The following ENPP6 variants were observed in gnomAD, a reference collection of about 807,000 sequenced individuals.
The protein encoded by ENPP6 is ectonucleotide pyrophosphatase/phosphodiesterase 6.
ENPP6 carries 32 observed loss-of-function variants against 42.0 expected under a neutral mutation model. The observed-to-expected ratio is 0.76, with a 90% CI of 0.58 to 1.02. The LOEUF is 1.02. ENPP6 is among the 50% of genes least tolerant of loss of function. The pLI is 0.00. For synonymous variants in ENPP6, 213 were observed against 216.0 expected (o/e 0.99, Z 0.12); for missense variants, 552 against 566.8 (o/e 0.97, Z 0.27).
intron 2 of ENPP6, among the ~76,000 whole-genome samples, chr4:184,138,307 C>G (rs1579629747): frequency 6.6e-6 from 1 of 152,198 alleles, no homozygotes; most frequent in East Asian, 1.9e-4. Flanking sequence ...ATTCTTTGAA[C>G]TGCTTCTTTG....
intron 3 of ENPP6, among the ~76,000 whole-genome samples, chr4:184,118,697 C>G (rs1333619312): frequency 1.3e-5 from 2 of 152,234 alleles, no homozygotes; most frequent in Non-Finnish European, 2.9e-5. Context: ...CTGACACATG[C>G]TTGCTTGCCA....
At position 184,157,708 on chromosome 4, in the gene ENPP6, G is replaced by A. The variant is rs140347253; in HGVS notation, c.242-3975C>T. On this transcript the variant is annotated intron_variant, in intron 1 of 7. Coordinates refer to ENST00000296741, the MANE Select transcript of ENPP6 (RefSeq NM_153343.4). ...GCTCACTGCAACCTTGACCTCCCCA[G>A]GTTCAGCCTCCTCCTCAGCCTCCCA... Among the ~76,000 whole-genome samples, 572 of 151,370 alleles carry A rather than the reference G, an allele frequency of 3.8e-3. 6 individuals are homozygous for A. The highest frequency in any genetic ancestry group is 7.2e-3 in the Non-Finnish European group (492 of 67,910).
intron 1 of ENPP6, among the ~76,000 whole-genome samples, chr4:184,192,505 CAT>C (rs761035027): frequency 1.5e-4 from 23 of 152,074 alleles, no homozygotes; most frequent in Non-Finnish European, 3.4e-4. Flanking sequence ...TATAAGAAAA[CAT>C]AGGAGTAAAT....
intron 2 of ENPP6, among the ~76,000 whole-genome samples, chr4:184,136,016 A>G (rs1333706434): frequency 6.6e-6 from 1 of 152,110 alleles, no homozygotes; most frequent in Non-Finnish European, 1.5e-5. Context: ...TTTCATATCC[A>G]TCACACATTT....
chr4:184,139,369 A>G (rs1341515495), intron 2 of ENPP6, among the ~76,000 whole-genome samples: 2 of 150,280 alleles, frequency 1.3e-5, no homozygotes, highest in African/African-American at 4.9e-5. Flanking sequence ...ATTTATTATT[A>G]TTATACTTTA....
chr4:184,208,687 T>C (rs901434066), intron 1 of ENPP6, among the ~76,000 whole-genome samples: 17 of 148,724 alleles, frequency 1.1e-4, no homozygotes, highest in African/African-American at 4.0e-4. Context: ...TTGCCCAGGC[T>C]TGCTTAGGTA....
intron 3 of ENPP6, among the ~76,000 whole-genome samples, chr4:184,120,998 C>T (rs548240322): frequency 1.1e-3 from 166 of 152,284 alleles, no homozygotes; most frequent in Non-Finnish European, 2.0e-3. Flanking sequence ...GGCTCTTGCT[C>T]CACCACTGGC....
chr4:184,122,154 C>T (rs2111350538), intron 3 of ENPP6, among the ~76,000 whole-genome samples: 1 of 152,306 alleles, frequency 6.6e-6, no homozygotes, highest in East Asian at 1.9e-4. Flanking sequence ...TTACACTGAC[C>T]TGGTTTCCAT....
At chr4:184,174,021 G>C (rs1737520546) in intron 1 of ENPP6, among the ~76,000 whole-genome samples, 1 of 152,100 alleles carries the variant, frequency 6.6e-6, no homozygotes, top group Admixed American at 6.5e-5. Context: ...TCAGACTCTA[G>C]AGAAATGCTA....
At chr4:184,152,927 GTT>G (rs35794133) in intron 2 of ENPP6, among the ~76,000 whole-genome samples, 1 of 146,546 alleles carries the variant, frequency 6.8e-6, no homozygotes, top group African/African-American at 2.5e-5. Flanking sequence ...ATGGTACACT[GTT>G]TTTTTTTTTG....
chr4:184,184,890 G>C lies in ENPP6; in HGVS notation c.242-31157C>G, dbSNP rs942989159. The stretch of plus-strand genomic sequence containing the variant: ...CGATTCCTGTTGTCTGAGCCACCCA[G>C]CGTGTGGAGTGTGTGACAGCAGCCC... On this transcript the variant is annotated intron_variant, in intron 1 of 7. Transcript: ENST00000296741. The surrounding 1 kb of genome is among the most constrained non-coding windows in gnomAD (Gnocchi z 4.7). Among the ~76,000 whole-genome samples, 1 of 152,084 alleles carries C rather than the reference G, an allele frequency of 6.6e-6. No homozygotes were observed. The highest frequency in any genetic ancestry group is 1.5e-5 in the Non-Finnish European group (1 of 68,008).
intron 1 of ENPP6, among the ~76,000 whole-genome samples, chr4:184,208,595 A>T (rs998610897): frequency 2.0e-5 from 3 of 151,458 alleles, no homozygotes; most frequent in South Asian, 2.1e-4. Context: ...TCCTACGCCC[A>T]CGGAGTCTCG....
chr4:184,129,871 T>C (rs1736565338), intron 2 of ENPP6, among the ~76,000 whole-genome samples: 2 of 152,008 alleles, frequency 1.3e-5, no homozygotes, highest in South Asian at 4.1e-4. Context: ...CAAAAAAGAG[T>C]AGAAGTAAAT....
At chr4:184,140,261 C>A (rs1385767132) in intron 2 of ENPP6, among the ~76,000 whole-genome samples, 1 of 151,224 alleles carries the variant, frequency 6.6e-6, no homozygotes, top group Admixed American at 6.6e-5. Context: ...AATGGAAGAA[C>A]ATTCCATGCT....
At chr4:184,145,820 C>A (rs1462850952) in intron 2 of ENPP6, among the ~76,000 whole-genome samples, 1 of 152,188 alleles carries the variant, frequency 6.6e-6, no homozygotes, top group Admixed American at 6.5e-5. Flanking sequence ...ATGTGCGATG[C>A]GTGTCAGGGA....
chr4:184,092,524 C>T (rs1183465440), intron 7 of ENPP6, among the ~76,000 whole-genome samples: 3 of 152,204 alleles, frequency 2.0e-5, no homozygotes, highest in African/African-American at 7.2e-5. Context: ...GGTGACTCCA[C>T]AAGTCTTTGG....
At chr4:184,134,769 G>A (rs1047705952) in intron 2 of ENPP6, among the ~76,000 whole-genome samples, 1 of 148,238 alleles carries the variant, frequency 6.7e-6, no homozygotes, top group Admixed American at 6.8e-5. Context: ...TTACATTTGG[G>A]GATAATTAAA....
chr4:184,175,333 AT>A (rs982593899), intron 1 of ENPP6, among the ~76,000 whole-genome samples: 1 of 152,042 alleles, frequency 6.6e-6, no homozygotes, highest in African/African-American at 2.4e-5. Context: ...AAATCACATG[AT>A]TTTTTCCCTC....
At chr4:184,108,131 G>T (rs1736134409) in intron 6 of ENPP6, among the ~76,000 whole-genome samples, 1 of 152,130 alleles carries the variant, frequency 6.6e-6, no homozygotes, top group African/African-American at 2.4e-5. Flanking sequence ...TGGGATGGCG[G>T]CTACAGGCAG....
Sources: gnomAD v4.1 joint callset for allele counts (sites outside exome capture counted in the v4.1 genomes callset) on GRCh38, gnomAD v4.1.1 for gene constraint, Gnocchi (gnomAD v3.1) non-coding constraint, MANE v1.5 for transcripts, NCBI Gene and HGNC (gene_info 2026-07-23, HGNC 2026-07-21) for gene names.